TCAIM: variants seen among roughly 807,000 people sequenced by gnomAD.
The protein encoded by TCAIM is T cell activation inhibitor, mitochondrial.
A neutral mutation model predicts 58.6 loss-of-function variants in TCAIM; 36 were observed. That is an observed-to-expected ratio of 0.61 (90% CI 0.47 to 0.81). TCAIM has a LOEUF of 0.81. Among genes scored for constraint, TCAIM ranks in the 30% least tolerant of loss-of-function variants. TCAIM has a pLI of 0.00. For synonymous variants in TCAIM, 172 were observed against 193.6 expected (o/e 0.89, Z 0.93); for missense variants, 466 against 579.6 (o/e 0.80, Z 2.01).
intron 5 of TCAIM, among the ~76,000 whole-genome samples, chr3:44,379,139 G>C (rs1701614704): frequency 6.6e-6 from 1 of 151,752 alleles, no homozygotes; most frequent in African/African-American, 2.4e-5. Flanking sequence ...AGTGAGCCAA[G>C]ATTGTGCCGT....
At chr3:44,394,677 C>G (rs1038484846) in intron 6 of TCAIM, among the ~76,000 whole-genome samples, 1 of 150,856 alleles carries the variant, frequency 6.6e-6, no homozygotes. Flanking sequence ...GGGCAGATCA[C>G]GAGGTCAGGA....
Position 44,367,546 on chromosome 3 carries a change from A to G in TCAIM, c.410A>G (p.His137Arg). Reference protein sequence around the residue: ...ILNSCSLSVEHIQSLNTNMHT... With the variant: ...ILNSCSLSVERIQSLNTNMHT... ...AACTCCTGCAGTTTATCTGTTGAACATATCCAAAGCTTGAATACTAATATG... is the reference window on the plus strand; with the variant it reads ...AACTCCTGCAGTTTATCTGTTGAACGTATCCAAAGCTTGAATACTAATATG... Residue 137 changes from histidine to arginine, a missense_variant, in exon 5 of 11, where the codon CAT becomes CGT. His to Arg is a conservative substitution (Grantham distance 29). Coordinates refer to ENST00000342649, the MANE Select transcript of TCAIM (RefSeq NM_173826.4). The G allele has an allele frequency of 6.2e-7, 1 of 1,614,152 alleles. No individual in the cohort carries two copies. Among genetic ancestry groups the G allele is most frequent in the South Asian group, 1.1e-5 (1 of 91,082 alleles).
intron 1 of TCAIM, among the ~76,000 whole-genome samples, chr3:44,346,489 C>T (rs574617500): frequency 2.8e-4 from 42 of 152,214 alleles, no homozygotes; most frequent in African/African-American, 1.0e-3. Context: ...GGCAAATCCC[C>T]GAGCTTGATG....
chr3:44,356,113 A>G (rs1701184801), intron 2 of TCAIM, among the ~76,000 whole-genome samples: 1 of 152,272 alleles, frequency 6.6e-6, no homozygotes, highest in African/African-American at 2.4e-5. Context: ...TTGTTTAAAA[A>G]TCACCAGAAA....
At chr3:44,403,086 T>C (rs1244008351) in intron 10 of TCAIM, among the ~76,000 whole-genome samples, 1 of 152,090 alleles carries the variant, frequency 6.6e-6, no homozygotes, top group African/African-American at 2.4e-5. Context: ...CTGGCCAACA[T>C]GGTGAAACGC....
intron 5 of TCAIM, among the ~76,000 whole-genome samples, chr3:44,390,703 G>A (rs777468735): frequency 1.3e-5 from 2 of 152,170 alleles, no homozygotes; most frequent in Non-Finnish European, 2.9e-5. Context: ...AGGCATGGTG[G>A]CTCATGCCTA....
chr3:44,401,021 C>T (rs138941238), intron 9 of TCAIM, 182 bp from the exon 10 acceptor site: 43 of 826,976 alleles, frequency 5.2e-5, no homozygotes, highest in Admixed American at 1.2e-4. Context: ...GCAAGTAGGT[C>T]GTGATCTTCT....
At chr3:44,356,930 A>G (rs150071176) in intron 2 of TCAIM, among the ~76,000 whole-genome samples, 3,186 of 152,090 alleles carry the variant, frequency 0.021, 61 homozygotes, top group African/African-American at 0.051. Context: ...GCAGTGAGCC[A>G]AGATCATGCC....
intron 2 of TCAIM, among the ~76,000 whole-genome samples, chr3:44,357,357 G>A (rs1701214510): frequency 1.5e-5 from 2 of 132,794 alleles, no homozygotes; most frequent in Admixed American, 1.7e-4. Context: ...AAGAAAAAAA[G>A]AGAGAAAGAG....
At chr3:44,357,616 A>C in intron 2 of TCAIM, 125 bp from the exon 3 acceptor site, 1 of 1,267,312 alleles carries the variant, frequency 7.9e-7, no homozygotes, top group Non-Finnish European at 1.0e-6. Context: ...GATTTCAGAA[A>C]ACCACAAAGT....
At chr3:44,349,973 G>T (rs2125627735) in intron 1 of TCAIM, among the ~76,000 whole-genome samples, 1 of 151,946 alleles carries the variant, frequency 6.6e-6, no homozygotes, top group South Asian at 2.1e-4. Context: ...AGAGCAGGGG[G>T]ACAGGGGATT....
At chr3:44,377,893 T>G (rs1376920270) in intron 5 of TCAIM, among the ~76,000 whole-genome samples, 1 of 152,174 alleles carries the variant, frequency 6.6e-6, no homozygotes, top group Admixed American at 6.5e-5. Flanking sequence ...GGCAAAGATT[T>G]CATGATGAAG....
At chr3:44,343,573 T>C (rs2125713939) in intron 1 of TCAIM, among the ~76,000 whole-genome samples, 2 of 152,338 alleles carry the variant, frequency 1.3e-5, no homozygotes, top group South Asian at 4.1e-4. Context: ...ATGTTAAGCT[T>C]AACACATCTC....
intron 5 of TCAIM, among the ~76,000 whole-genome samples, chr3:44,374,154 C>T (rs989645226): frequency 6.6e-6 from 1 of 152,152 alleles, no homozygotes; most frequent in African/African-American, 2.4e-5. Flanking sequence ...ATTTGATAGT[C>T]ATGATTTAAC....
intron 1 of TCAIM, among the ~76,000 whole-genome samples, chr3:44,348,394 G>A (rs956237629): frequency 7.9e-5 from 12 of 152,208 alleles, no homozygotes; most frequent in Non-Finnish European, 1.8e-4. Flanking sequence ...GATTTCCAGT[G>A]GGGTCCCACA....
chr3:44,356,325 A>G (rs1215384470), intron 2 of TCAIM, among the ~76,000 whole-genome samples: 3 of 152,006 alleles, frequency 2.0e-5, no homozygotes, highest in African/African-American at 7.2e-5. Context: ...TCAGGAGTTC[A>G]AGACCAGCTG....
chr3:44,347,417 A>G lies in TCAIM; in HGVS notation c.-44-7322A>G, dbSNP rs571008353. Among the ~76,000 whole-genome samples the G allele has an allele frequency of 2.6e-3, 401 of 152,320 alleles. 1 individual carries two copies. Among genetic ancestry groups the G allele is most frequent in the Non-Finnish European group, 3.6e-3 (242 of 68,028 alleles). The stretch of plus-strand genomic sequence containing the variant: ...AGGCTTGCAGCAGTACAGCCCAGGT[A>G]AGTTGCTGAGACTGATGGATGTCAG... On this transcript the variant is annotated intron_variant, in intron 1 of 10. Transcript: ENST00000342649.
At chr3:44,373,523 G>C (rs1173255406) in intron 5 of TCAIM, among the ~76,000 whole-genome samples, 10 of 151,614 alleles carry the variant, frequency 6.6e-5, no homozygotes, top group Admixed American at 6.6e-4. Flanking sequence ...GCGTGATGAT[G>C]CATGCCTGTA....
intron 3 of TCAIM, chr3:44,359,140 A>G: frequency 1.1e-6 from 1 of 938,492 alleles, no homozygotes; most frequent in Non-Finnish European, 1.3e-6. Context: ...AGTCCCAGCT[A>G]CTAGGGAGGC....
Sources: gnomAD v4.1 joint callset for allele counts (sites outside exome capture counted in the v4.1 genomes callset) on GRCh38, gnomAD v4.1.1 for gene constraint, MANE v1.5 for transcripts, NCBI Gene and HGNC (gene_info 2026-07-23, HGNC 2026-07-21) for gene names.